Variants in PRKG2 observed in about 807,000 individuals in gnomAD.
The protein encoded by PRKG2 is protein kinase cGMP-dependent 2, also known as cGMP-dependent protein kinase 2.
In PRKG2, 33 loss-of-function variants were observed where a neutral mutation model predicts 97.2. The observed-to-expected ratio is 0.34, with a 90% CI of 0.26 to 0.45. PRKG2 has a LOEUF of 0.45. Among genes scored for constraint, PRKG2 ranks in the 20% least tolerant of loss-of-function variants. The pLI is 1.00. For synonymous variants in PRKG2, 330 were observed against 321.8 expected (o/e 1.03, Z -0.27); for missense variants, 638 against 900.0 (o/e 0.71, Z 3.73).
At chr4:81,117,550 AAGATAAAATATCTT>A (rs1244006541) in intron 14 of PRKG2, among the ~76,000 whole-genome samples, 4 of 152,286 alleles carry the variant, frequency 2.6e-5, no homozygotes, top group African/African-American at 9.6e-5. Context: ...TTAATACACT[AAGATAAAATATCTT>A]AGCAAACTAA....
chr4:81,161,752 T>C lies in PRKG2; in HGVS notation c.912+5409A>G, dbSNP rs1749605974. ...CTCTGGATTTCACTTCTGCTGCATC[T>C]CTCTGACCCCAACCAGAAATAATTC... is the stretch of plus-strand genomic sequence containing the variant. On this transcript the variant is annotated intron_variant, in intron 6 of 18. Coordinates refer to ENST00000264399, the MANE Select transcript of PRKG2 (RefSeq NM_006259.3). Among the ~76,000 whole-genome samples the C allele has an allele frequency of 2.6e-5, 4 of 152,136 alleles. No homozygotes were observed. In the South Asian group the frequency reaches 8.3e-4, roughly 32 times the overall value.
intron 10 of PRKG2, 106 bp downstream of exon 10, chr4:81,144,126 A>G: frequency 1.1e-6 from 1 of 926,308 alleles, no homozygotes; most frequent in South Asian, 1.6e-5. Flanking sequence ...TTTCTAGTGA[A>G]GGCACATTAA....
intron 14 of PRKG2, among the ~76,000 whole-genome samples, chr4:81,114,053 G>T (rs144464825): frequency 6.6e-6 from 1 of 152,048 alleles, no homozygotes; most frequent in Non-Finnish European, 1.5e-5. Context: ...GCGAGATGAA[G>T]GGAAGACTTG....
rs568484233 is a variant in PRKG2, at chr4:81,117,662, C to T, written c.1777-7051G>A. Among the ~76,000 whole-genome samples the T allele has an allele frequency of 9.2e-5, 14 of 152,152 alleles. No individual in the cohort carries two copies. In the South Asian group the frequency reaches 2.3e-3, roughly 25 times the overall value. On this transcript the variant is annotated intron_variant, in intron 14 of 18. Transcript: ENST00000264399. ...TTTCTCATTTAATCTGGTAAAGTGG[C>T]GATTTAGTAAAATTTTTAAGACTTC...
intron 17 of PRKG2, among the ~76,000 whole-genome samples, chr4:81,099,845 C>G (rs10016905): frequency 0.23 from 35,616 of 151,972 alleles, 7,557 homozygotes; most frequent in African/African-American, 0.55. Flanking sequence ...TCCTTAAGCT[C>G]ATAGGCAACT....
upstream of PRKG2, among the ~76,000 whole-genome samples, chr4:81,216,582 C>T (rs1362260139): frequency 6.6e-6 from 1 of 152,122 alleles, no homozygotes; most frequent in Non-Finnish European, 1.5e-5. Flanking sequence ...TCGCATTACA[C>T]GGACATAACA....
At chr4:81,144,807 T>A (rs1747697152) in intron 9 of PRKG2, among the ~76,000 whole-genome samples, 2 of 135,346 alleles carry the variant, frequency 1.5e-5, no homozygotes, top group Admixed American at 1.7e-4. Flanking sequence ...CCTTCCTGTG[T>A]CCAAGTGTTC....
chr4:81,167,552 G>A (rs1750094202), intron 5 of PRKG2, among the ~76,000 whole-genome samples: 1 of 152,114 alleles, frequency 6.6e-6, no homozygotes, highest in African/African-American at 2.4e-5. Flanking sequence ...GCATTTGGAA[G>A]TTTGTTCCTC....
chr4:81,182,989 T>C (rs1005878754), intron 2 of PRKG2, among the ~76,000 whole-genome samples: 4 of 152,086 alleles, frequency 2.6e-5, no homozygotes, highest in African/African-American at 9.6e-5. Flanking sequence ...TCCCAATCAA[T>C]GCTCTAAATT....
intron 5 of PRKG2, 84 bp downstream of exon 5, chr4:81,169,579 T>A: frequency 9.9e-7 from 1 of 1,006,940 alleles, no homozygotes; most frequent in Non-Finnish European, 1.5e-6. Context: ...GTAGCTATAG[T>A]TGAATAATTA....
At chr4:81,090,135 A>T (rs1366866321) in intron 18 of PRKG2, among the ~76,000 whole-genome samples, 10 of 152,218 alleles carry the variant, frequency 6.6e-5, no homozygotes, top group Non-Finnish European at 1.5e-4. Context: ...AGACAAGCAG[A>T]TCACCTGAAG....
At chr4:81,181,485 T>G (rs1751408409) in intron 2 of PRKG2, among the ~76,000 whole-genome samples, 1 of 140,908 alleles carries the variant, frequency 7.1e-6, no homozygotes, top group African/African-American at 2.9e-5. Flanking sequence ...AAAAAGTAAG[T>G]TGAACTCAAA....
At chr4:81,147,837 C>G (rs1279876544) in intron 9 of PRKG2, among the ~76,000 whole-genome samples, 1 of 152,026 alleles carries the variant, frequency 6.6e-6, no homozygotes, top group Non-Finnish European at 1.5e-5. Context: ...TGTGGTCATG[C>G]ATTACATGTA....
chr4:81,146,188 A>C (rs964010335), intron 9 of PRKG2, among the ~76,000 whole-genome samples: 5 of 152,192 alleles, frequency 3.3e-5, no homozygotes, highest in African/African-American at 1.2e-4. Flanking sequence ...TGGCTATTAA[A>C]CTAACTGCAG....
intron 15 of PRKG2, among the ~76,000 whole-genome samples, chr4:81,108,390 A>G (rs1394520207): frequency 6.6e-6 from 1 of 152,036 alleles, no homozygotes; most frequent in African/African-American, 2.4e-5. Context: ...TTTTTACTAA[A>G]CTATATTTCA....
intron 2 of PRKG2, among the ~76,000 whole-genome samples, chr4:81,186,206 G>A (rs56061857): frequency 0.17 from 25,601 of 151,924 alleles, 3,761 homozygotes; most frequent in East Asian, 0.37. Context: ...TTCTAAAATC[G>A]ACCACATAAT....
chr4:81,172,518 G>T (rs958869667), intron 3 of PRKG2, among the ~76,000 whole-genome samples: 1 of 152,160 alleles, frequency 6.6e-6, no homozygotes, highest in Non-Finnish European at 1.5e-5. Flanking sequence ...ACTAAGAAGA[G>T]TGTTTGGCAC....
At chr4:81,114,956 T>C (rs1170111681) in intron 14 of PRKG2, among the ~76,000 whole-genome samples, 2 of 152,226 alleles carry the variant, frequency 1.3e-5, no homozygotes, top group East Asian at 3.8e-4. Flanking sequence ...GTCAATTTAA[T>C]CTATACTCTA....
At chr4:81,136,083 C>T (rs1746664488) in intron 13 of PRKG2, among the ~76,000 whole-genome samples, 1 of 152,144 alleles carries the variant, frequency 6.6e-6, no homozygotes, top group African/African-American at 2.4e-5. Flanking sequence ...TTTAGATTTT[C>T]TCAACAAATT....
Sources: gnomAD v4.1 joint callset for allele counts (sites outside exome capture counted in the v4.1 genomes callset) on GRCh38, gnomAD v4.1.1 for gene constraint, MANE v1.5 for transcripts, NCBI Gene and HGNC (gene_info 2026-07-23, HGNC 2026-07-21) for gene names.